The following FGL1 variants were observed in gnomAD, a reference collection of about 807,000 sequenced individuals.
FGL1 encodes fibrinogen like 1, also known as fibrinogen-like protein 1.
FGL1 carries 59 observed loss-of-function variants against 43.7 expected under a neutral mutation model. The ratio of observed to expected loss-of-function variants is 1.35; its 90% CI spans 1.10 to 1.68. The LOEUF is 1.68. Ranked by LOEUF, FGL1 falls within the 40% of genes most tolerant of loss-of-function variation. The pLI is 0.00. For missense variants in FGL1, 596 were observed against 373.0 expected, an observed-to-expected ratio of 1.60 and a Z score of -4.92; for synonymous variants, 192 against 126.5, an observed-to-expected ratio of 1.52 and a Z score of -3.48.
intron 2 of FGL1, 77 bp downstream of exon 2, chr8:17,885,415 G>A: frequency 8.0e-7 from 1 of 1,254,178 alleles, no homozygotes; most frequent in Non-Finnish European, 1.2e-6. Flanking sequence ...GTCACTATAG[G>A]TTTAATGCAA....
In FGL1 at chr8:17,864,402, T is replaced by G; in HGVS notation, c.*190A>C. On this transcript the variant is annotated 3_prime_UTR_variant, in exon 8 of 8. Transcript: ENST00000427924. ...GGATTCAATAAATATTAACACAGTC[T>G]ACATTTATTTGGTGAATATTGCATA... The G allele has an allele frequency of 3.6e-6, 2 of 551,396 alleles. No homozygotes were observed. The highest frequency in any genetic ancestry group is 6.2e-6 in the Non-Finnish European group (2 of 323,530). The allele number at this position is 551,396 out of a possible 1,614,324, so 34.2% of individuals were successfully genotyped here. A position where few individuals can be genotyped will look rare whatever the true frequency, so the allele number is the denominator to read the frequency against.
chr8:17,875,495 CTTT>C lies in FGL1; in HGVS notation c.245-977_245-975del. 4.7e-3 allele frequency among the ~76,000 whole-genome samples: 31 copies of C among 6,580 alleles called. 1 individual carries two copies. Among genetic ancestry groups the C allele is most frequent in the Non-Finnish European group, 3.7e-3 (5 of 1,358 alleles). The allele number at this position is 6,580 out of a possible 152,430, so 4.3% of individuals were successfully genotyped here. A position where few individuals can be genotyped will look rare whatever the true frequency, so the allele number is the denominator to read the frequency against. On this transcript the variant is annotated intron_variant, in intron 3 of 7. Transcript: ENST00000427924. ...AAAAGTGATATCTCTTTCTTTCTTT[CTTT>C]CTTTCTTTCTTTCTTTCTTTCTTTC...
chr8:17,875,114 CTT>C (rs2053425442), intron 3 of FGL1, among the ~76,000 whole-genome samples: 1 of 152,156 alleles, frequency 6.6e-6, no homozygotes, highest in Non-Finnish European at 1.5e-5. Context: ...GTTATCCTGA[CTT>C]AGAGCATGAT....
intron 7 of FGL1, among the ~76,000 whole-genome samples, chr8:17,867,544 T>C (rs1298415874): frequency 6.6e-6 from 1 of 152,260 alleles, no homozygotes; most frequent in African/African-American, 2.4e-5. Flanking sequence ...TATGATTATA[T>C]AACAATATGT....
chr8:17,869,260 T>C (rs2053320598), intron 5 of FGL1, among the ~76,000 whole-genome samples: 1 of 152,002 alleles, frequency 6.6e-6, no homozygotes, highest in African/African-American at 2.4e-5. Context: ...TAAAACCTAG[T>C]GCAATTCACT....
intron 3 of FGL1, 120 bp downstream of exon 3, chr8:17,881,879 G>T (rs981883618): frequency 5.5e-6 from 4 of 728,986 alleles, no homozygotes; most frequent in African/African-American, 1.8e-5. Context: ...ATTTACAATA[G>T]ATATAATGCT....
chr8:17,880,788 T>G (rs990696775), intron 3 of FGL1, among the ~76,000 whole-genome samples: 1 of 152,228 alleles, frequency 6.6e-6, no homozygotes, highest in Non-Finnish European at 1.5e-5. Context: ...AGATACCTTT[T>G]ACTTCTGGAG....
At chr8:17,881,806 C>T (rs2053540251) in intron 3 of FGL1, among the ~76,000 whole-genome samples, 193 bp downstream of exon 3, 1 of 149,424 alleles carries the variant, frequency 6.7e-6, no homozygotes, top group South Asian at 2.1e-4. Flanking sequence ...TGCACTCCTG[C>T]CTGGGCGACA....
chr8:17,864,717 T>A lies in FGL1; in HGVS notation c.814A>T (p.Ser272Cys), dbSNP rs372970312. 8 of 1,610,672 alleles carry A rather than the reference T, an allele frequency of 5.0e-6. No individual in the cohort carries two copies. In the African/African-American group the frequency reaches 5.3e-5, roughly 11 times the overall value. Reference sequence around the variant, plus strand: ...TCTGTTTTAGCCGTGTAGGGGCCGCTGTAGTATACACCATTCAGGTTTGCA... The same window carrying A: ...TCTGTTTTAGCCGTGTAGGGGCCGCAGTAGTATACACCATTCAGGTTTGCA... The part of the protein sequence containing the change: ...HSANLNGVYY[S>C]GPYTAKTDNG... Residue 272 changes from serine (S) to cysteine (C), a missense_variant, in exon 8 of 8, where the codon AGC becomes TGC. Transcript: ENST00000427924.
chr8:17,881,799 A>C (rs1050197734), intron 3 of FGL1, among the ~76,000 whole-genome samples, 200 bp downstream of exon 3: 1 of 149,134 alleles, frequency 6.7e-6, no homozygotes, highest in African/African-American at 2.5e-5. Context: ...GCACCACTGC[A>C]CTCCTGCCTG....
intron 4 of FGL1, 91 bp from the exon 5 acceptor site, chr8:17,874,207 A>G (rs933726703): frequency 5.2e-6 from 7 of 1,353,076 alleles, no homozygotes; most frequent in South Asian, 1.3e-5. Flanking sequence ...ACCACCTCCA[A>G]TATTTTCTTG....
At chr8:17,883,820 T>C (rs532044717) in intron 2 of FGL1, among the ~76,000 whole-genome samples, 2 of 148,100 alleles carry the variant, frequency 1.4e-5, no homozygotes, top group Non-Finnish European at 3.0e-5. Context: ...TCCCTTCCTC[T>C]TCCCTTACGT....
At chr8:17,877,272 A>G (rs570233164) in intron 3 of FGL1, among the ~76,000 whole-genome samples, 2 of 152,160 alleles carry the variant, frequency 1.3e-5, no homozygotes, top group South Asian at 2.1e-4. Flanking sequence ...ATATTTACAT[A>G]ATACTAGACA....
intron 1 of FGL1, chr8:17,891,631 A>G: frequency 1.0e-6 from 1 of 968,332 alleles, no homozygotes. Flanking sequence ...AACCTAGCAC[A>G]GGTACTCGAC....
At chr8:17,871,285 G>A (rs980260897) in intron 5 of FGL1, among the ~76,000 whole-genome samples, 1 of 152,088 alleles carries the variant, frequency 6.6e-6, no homozygotes, top group Non-Finnish European at 1.5e-5. Flanking sequence ...TTGAAGCCAG[G>A]AGTTTGAGAC....
rs28713208 is a variant in FGL1 at position 17,873,133 on chromosome 8, T to C, written c.502+886A>G. Among the ~76,000 whole-genome samples the C allele has an allele frequency of 5.0e-3, 755 of 152,294 alleles. 4 individuals carry two copies. Among genetic ancestry groups the C allele is most frequent in the African/African-American group, 0.014 (579 of 41,552 alleles). On this transcript the variant is annotated intron_variant, in intron 5 of 7. Transcript: ENST00000427924. ...CCAATTGCCCAATTGTTCACCTCTCTCTCATAATATGTCTTCATAGCTCCT... is the reference window on the plus strand; with the variant it reads ...CCAATTGCCCAATTGTTCACCTCTCCCTCATAATATGTCTTCATAGCTCCT...
At chr8:17,886,524 G>A (rs1480576391) in intron 1 of FGL1, among the ~76,000 whole-genome samples, 3 of 152,128 alleles carry the variant, frequency 2.0e-5, no homozygotes, top group Admixed American at 6.5e-5. Flanking sequence ...TTGGGAGGTC[G>A]AGGTGGGCAG....
chr8:17,872,356 G>A (rs934176601), intron 5 of FGL1, among the ~76,000 whole-genome samples: 5 of 141,026 alleles, frequency 3.5e-5, no homozygotes, highest in African/African-American at 1.4e-4. Context: ...AGGCTGGAGT[G>A]GATTGGCGCA....
At chr8:17,865,519 C>T (rs950883947) in intron 7 of FGL1, among the ~76,000 whole-genome samples, 1 of 152,176 alleles carries the variant, frequency 6.6e-6, no homozygotes, top group African/African-American at 2.4e-5. Flanking sequence ...TGCCACCCAT[C>T]AACCAATAAT....
Sources: gnomAD v4.1 joint callset for allele counts (sites outside exome capture counted in the v4.1 genomes callset) on GRCh38, gnomAD v4.1.1 for gene constraint, MANE v1.5 for transcripts, NCBI Gene and HGNC (gene_info 2026-07-23, HGNC 2026-07-21) for gene names.